MYO3A: variants seen among roughly 807,000 people sequenced by gnomAD.
MYO3A encodes the protein myosin IIIA, also known as myosin-IIIa.
MYO3A carries 180 observed loss-of-function variants against 192.7 expected under a neutral mutation model. The observed-to-expected ratio is 0.93, with a 90% CI of 0.83 to 1.06. The LOEUF is 1.06. Among genes scored for constraint, MYO3A ranks in the 50% least tolerant of loss-of-function variants. The pLI, the probability that MYO3A is intolerant of heterozygous loss-of-function variation, is 0.00. For synonymous variants in MYO3A, 628 were observed against 645.3 expected (o/e 0.97, Z 0.41); for missense variants, 1,896 against 1,905.0 (o/e 1.00, Z 0.09).
intron 4 of MYO3A, among the ~76,000 whole-genome samples, chr10:25,963,876 T>C (rs1019565112): frequency 2.6e-4 from 39 of 152,236 alleles, no homozygotes; most frequent in African/African-American, 8.0e-4. Context: ...ATAACTCTTA[T>C]ATATCTTTCT....
rs776386560 is a variant in MYO3A at position 26,021,503 on chromosome 10, G to A, written c.586G>A (p.Val196Met). The A allele has an allele frequency of 3.7e-6, 6 of 1,613,906 alleles. No homozygotes were observed. Among genetic ancestry groups the A allele is most frequent in the Non-Finnish European group, 5.1e-6 (6 of 1,179,826 alleles). ...TTTTGATGGTGTGGTTTTCTACTAGGTGATTGCATGTGAACAGCAATTGGA... is the reference window on the plus strand; with the variant it reads ...TTTTGATGGTGTGGTTTTCTACTAGATGATTGCATGTGAACAGCAATTGGA... ...VGTPFWMAPE[V>M]IACEQQLDTT... The change falls in exon 8 of 35, where the codon GTG becomes ATG. Residue 196 changes from valine (V) to methionine (M), a missense_variant and splice_region_variant. Val to Met is a conservative substitution (Grantham distance 21, BLOSUM62 1). Coordinates refer to ENST00000642920, the MANE Select transcript of MYO3A (RefSeq NM_017433.5).
chr10:26,148,299 A>T (rs954181356), intron 23 of MYO3A, among the ~76,000 whole-genome samples: 4 of 152,142 alleles, frequency 2.6e-5, no homozygotes, highest in African/African-American at 9.7e-5. Flanking sequence ...ACACTCCTTG[A>T]AAAATCAATT....
At chr10:26,040,044 T>C (rs1843257313) in intron 10 of MYO3A, among the ~76,000 whole-genome samples, 1 of 152,120 alleles carries the variant, frequency 6.6e-6, no homozygotes, top group Admixed American at 6.5e-5. Flanking sequence ...CTGCTGTCAC[T>C]GTATTCCATA....
chr10:26,010,517 G>A (rs565908245), intron 6 of MYO3A, among the ~76,000 whole-genome samples: 12 of 147,060 alleles, frequency 8.2e-5, no homozygotes, highest in Middle Eastern at 3.3e-3. Flanking sequence ...AGGCTGGAGC[G>A]CAGAGGCGCA....
intron 2 of MYO3A, among the ~76,000 whole-genome samples, chr10:25,944,326 G>A (rs56091425): frequency 6.6e-6 from 1 of 151,860 alleles, no homozygotes; most frequent in African/African-American, 2.4e-5. Context: ...ATTTTTGCAT[G>A]AATCTTCACA....
chr10:26,095,734 A>G (rs993614131), intron 15 of MYO3A, among the ~76,000 whole-genome samples: 1 of 152,232 alleles, frequency 6.6e-6, no homozygotes, highest in African/African-American at 2.4e-5. Flanking sequence ...AATGCTAGTT[A>G]TGCTACTTAG....
intron 31 of MYO3A, among the ~76,000 whole-genome samples, chr10:26,183,523 A>G (rs1047095604): frequency 6.6e-6 from 1 of 151,832 alleles, no homozygotes; most frequent in African/African-American, 2.4e-5. Context: ...ACTTCGTCTC[A>G]AAAAAAATAA....
intron 10 of MYO3A, among the ~76,000 whole-genome samples, chr10:26,030,107 C>G (rs1335188087): frequency 6.6e-6 from 1 of 152,114 alleles, no homozygotes; most frequent in Non-Finnish European, 1.5e-5. Context: ...CAAGGGACCC[C>G]ACACTCAGCC....
chr10:26,107,261 CA>C (rs1265420619), intron 17 of MYO3A, among the ~76,000 whole-genome samples: 1 of 152,110 alleles, frequency 6.6e-6, no homozygotes, highest in Non-Finnish European at 1.5e-5. Context: ...GCGGGTGGAT[CA>C]CGAGGTCAGG....
intron 4 of MYO3A, among the ~76,000 whole-genome samples, chr10:25,959,890 G>T (rs1161090728): frequency 6.6e-6 from 1 of 151,726 alleles, no homozygotes; most frequent in Non-Finnish European, 1.5e-5. Context: ...TGATAAGAGG[G>T]TTTCGAGTCT....
chr10:26,030,805 T>C (rs1842769425), intron 10 of MYO3A, among the ~76,000 whole-genome samples: 1 of 152,196 alleles, frequency 6.6e-6, no homozygotes, highest in Admixed American at 6.5e-5. Flanking sequence ...AAACTGAATA[T>C]AAACTTCCTT....
chr10:26,187,230 C>T (rs1399091474), intron 31 of MYO3A, among the ~76,000 whole-genome samples: 2 of 151,448 alleles, frequency 1.3e-5, no homozygotes, highest in African/African-American at 4.9e-5. Context: ...ACTTCGAGTT[C>T]CACTATTTAA....
At chr10:26,113,340 T>A (rs1279082838) in intron 17 of MYO3A, among the ~76,000 whole-genome samples, 1 of 151,928 alleles carries the variant, frequency 6.6e-6, no homozygotes, top group Non-Finnish European at 1.5e-5. Flanking sequence ...TGTGGCAGCG[T>A]GCACCTATAA....
At chr10:26,102,187 A>T (rs1837497157) in intron 17 of MYO3A, among the ~76,000 whole-genome samples, 1 of 152,150 alleles carries the variant, frequency 6.6e-6, no homozygotes, top group East Asian at 1.9e-4. Flanking sequence ...ACTTGATTGA[A>T]TCAGCTACTG....
At chr10:25,969,925 C>A (rs1411371057) in intron 4 of MYO3A, among the ~76,000 whole-genome samples, 2 of 151,970 alleles carry the variant, frequency 1.3e-5, no homozygotes, top group Non-Finnish European at 2.9e-5. Flanking sequence ...TAATATAAGG[C>A]AAGGTAACTT....
chr10:25,981,264 A>G (rs771787033), intron 4 of MYO3A, among the ~76,000 whole-genome samples: 12 of 152,174 alleles, frequency 7.9e-5, no homozygotes, highest in Non-Finnish European at 1.6e-4. Context: ...ACATCCATAT[A>G]CCAACCATAC....
chr10:26,147,220 T>C (rs1043370572), intron 22 of MYO3A, among the ~76,000 whole-genome samples: 3 of 151,966 alleles, frequency 2.0e-5, no homozygotes, highest in Admixed American at 2.0e-4. Context: ...CCAAATAAAA[T>C]CAGTGAGACA....
At position 25,948,863 on chromosome 10, in the gene MYO3A, TTC is replaced by T. The variant is rs200206688; in HGVS notation, c.-17-3229_-17-3228del. ...TTTATATGGAACATGACTAGGTGTATTCTGTTTCCAAAATGCCTCTTTTTTGT... is the reference window on the plus strand; with the variant it reads ...TTTATATGGAACATGACTAGGTGTATTGTTTCCAAAATGCCTCTTTTTTGT... On this transcript the variant is annotated intron_variant, in intron 2 of 34. Coordinates refer to ENST00000642920, the MANE Select transcript of MYO3A (RefSeq NM_017433.5). Among the ~76,000 whole-genome samples the T allele has an allele frequency of 5.2e-4, 79 of 152,272 alleles. 1 individual carries two copies. In the East Asian group the frequency reaches 0.015, roughly 29 times the overall value.
intron 2 of MYO3A, among the ~76,000 whole-genome samples, chr10:25,937,551 C>G (rs546732341): frequency 1.3e-4 from 20 of 152,286 alleles, no homozygotes; most frequent in Middle Eastern, 3.4e-3. Context: ...CAGCTGTGGA[C>G]ATTGACTTTT....
Sources: allele counts gnomAD v4.1 joint callset (sites outside exome capture counted in the v4.1 genomes callset), GRCh38; gene constraint gnomAD v4.1.1; transcripts MANE v1.5; gene names NCBI Gene and HGNC (gene_info 2026-07-23, HGNC 2026-07-21).